ZNF83: variants seen among roughly 807,000 people sequenced by gnomAD.
The protein encoded by ZNF83 is zinc finger protein 83, also known as zinc finger protein 816B.
For missense variants in ZNF83, 552 were observed against 629.9 expected (o/e 0.88, Z 1.32); for synonymous variants, 209 against 213.0 (o/e 0.98, Z 0.17).
rs1439532384 is a variant in ZNF83 at position 52,632,285 on chromosome 19, T to C, written c.-234+2781A>G. Among the ~76,000 whole-genome samples the C allele has an allele frequency of 2.0e-5, 3 of 152,206 alleles. No homozygotes were observed. In the East Asian group the frequency reaches 5.8e-4, roughly 29 times the overall value. On this transcript the variant is annotated intron_variant, in intron 2 of 2. Transcript: ENST00000301096. ...AAAAGTAGAACGGACTAAAAGTCTT[T>C]TAAAAACACACCTCACCAAGCTCAG...
At position 52,648,687 on chromosome 19, in the gene ZNF83, T is replaced by C. The variant is rs571230768; in HGVS notation, c.-74+6874A>G. Reference sequence around the variant, plus strand: ...TGTTAAAGTTGCAGGTGTTGTGCCTTAGATCCACCACAGTCAGCTGAAACT... The same window carrying C: ...TGTTAAAGTTGCAGGTGTTGTGCCTCAGATCCACCACAGTCAGCTGAAACT... On this transcript the variant is annotated intron_variant, in intron 3 of 5. Transcript: ENST00000594682. Among the ~76,000 whole-genome samples, 19 of 152,242 alleles carry C rather than the reference T, an allele frequency of 1.2e-4. 1 individual carries two copies. The South Asian group carries it at 3.5e-3, about 28-fold the overall frequency.
chr19:52,682,215 T>TA (rs11407801), intron 1 of ZNF83, among the ~76,000 whole-genome samples: 10,993 of 148,922 alleles, frequency 0.074, 1,267 homozygotes, highest in African/African-American at 0.25. Context: ...ATTAAAATTA[T>TA]AAAAAAAAAA....
intron 1 of ZNF83, among the ~76,000 whole-genome samples, chr19:52,688,027 C>T (rs1239986452): frequency 6.6e-6 from 1 of 151,976 alleles, no homozygotes; most frequent in Middle Eastern, 3.2e-3. Context: ...GTACATGTCT[C>T]ATAGACAGGA....
intron 2 of ZNF83, among the ~76,000 whole-genome samples, chr19:52,658,369 C>T (rs952260475): frequency 3.4e-4 from 52 of 152,054 alleles, no homozygotes; most frequent in Middle Eastern, 3.2e-3. Flanking sequence ...AGTTCATGAC[C>T]GGCCTGGCCA....
In ZNF83 at chr19:52,658,968, G is replaced by A. The variant is rs576060978; in HGVS notation, c.-201+1794C>T. On this transcript the variant is annotated intron_variant, in intron 2 of 5. Coordinates refer to the ZNF83 transcript ENST00000594682. Reference sequence around the variant, plus strand: ...TATTCTAAATAAATGCCTGGAGTGCGAGCTGCTCAGGGCCGGCTCTTGGTG... The same window carrying A: ...TATTCTAAATAAATGCCTGGAGTGCAAGCTGCTCAGGGCCGGCTCTTGGTG... Among the ~76,000 whole-genome samples the A allele has an allele frequency of 5.3e-5, 8 of 152,262 alleles. No homozygotes were observed. In the South Asian group the frequency reaches 6.2e-4, roughly 12 times the overall value.
chr19:52,623,954 C>A (rs1413219096), intron 2 of ZNF83, among the ~76,000 whole-genome samples: 2 of 152,158 alleles, frequency 1.3e-5, no homozygotes, highest in African/African-American at 2.4e-5. Flanking sequence ...CTGCCCTCCA[C>A]AACTCACTAT....
chr19:52,657,020 G>A (rs1015496597), intron 2 of ZNF83, among the ~76,000 whole-genome samples: 4 of 152,148 alleles, frequency 2.6e-5, no homozygotes, highest in African/African-American at 7.2e-5. Context: ...CGAGGCTGAG[G>A]TGGGAGGATT....
chr19:52,627,156 A>G (rs996669311), intron 2 of ZNF83, among the ~76,000 whole-genome samples: 3 of 151,908 alleles, frequency 2.0e-5, no homozygotes, highest in Admixed American at 1.3e-4. Context: ...TTTAACTGTA[A>G]CTATCCACTG....
intron 2 of ZNF83, among the ~76,000 whole-genome samples, chr19:52,659,077 G>A (rs1198843379): frequency 6.6e-6 from 1 of 152,034 alleles, no homozygotes; most frequent in Non-Finnish European, 1.5e-5. Context: ...TCTGGGCCAG[G>A]GTCCGTGGGC....
chr19:52,680,219 A>G (rs2061885135), intron 1 of ZNF83, among the ~76,000 whole-genome samples: 1 of 152,132 alleles, frequency 6.6e-6, no homozygotes, highest in Non-Finnish European at 1.5e-5. Context: ...GCAAAATCAC[A>G]AAACAGAACA....
chr19:52,631,580 T>A, intron 2 of ZNF83, among the ~76,000 whole-genome samples: 1 of 152,212 alleles, frequency 6.6e-6, no homozygotes, highest in East Asian at 1.9e-4. Flanking sequence ...ACTCACTCTT[T>A]GTTAAGTCCC....
chr19:52,634,113 T>C (rs1269146031), intron 2 of ZNF83, among the ~76,000 whole-genome samples: 1 of 151,280 alleles, frequency 6.6e-6, no homozygotes, highest in Non-Finnish European at 1.5e-5. Context: ...CTACTAAAAA[T>C]ACAAAAAGAT....
At chr19:52,639,423 T>C (rs112038145), upstream of ZNF83, among the ~76,000 whole-genome samples, 290 of 96,500 alleles carry the variant, frequency 3.0e-3, 2 homozygotes, top group Middle Eastern at 0.012. Context: ...CTATTTTTTT[T>C]TTTTTTTTTT....
intron 3 of ZNF83, among the ~76,000 whole-genome samples, chr19:52,647,376 AACTC>A (rs531395377): frequency 4.6e-5 from 7 of 152,132 alleles, no homozygotes; most frequent in Non-Finnish European, 1.0e-4. Flanking sequence ...ATATCCAATG[AACTC>A]ACTCACTCAT....
chr19:52,659,094 C>CT (rs1259956177), intron 2 of ZNF83, among the ~76,000 whole-genome samples: 2 of 152,070 alleles, frequency 1.3e-5, no homozygotes. Flanking sequence ...GGGCAGACCC[C>CT]CGCAGCTAAT....
At chr19:52,641,561 T>C (rs2061305771), upstream of ZNF83, among the ~76,000 whole-genome samples, 1 of 152,190 alleles carries the variant, frequency 6.6e-6, no homozygotes, top group Non-Finnish European at 1.5e-5. Context: ...GTGCTTTCCA[T>C]TACACTTAGT....
At chr19:52,673,939 C>G (rs1000666744) in intron 1 of ZNF83, among the ~76,000 whole-genome samples, 3 of 138,734 alleles carry the variant, frequency 2.2e-5, no homozygotes, top group Non-Finnish European at 4.5e-5. Flanking sequence ...TTGGTTGAAG[C>G]TGAGAGGTGG....
chr19:52,664,753 T>TG (rs2061626377), intron 1 of ZNF83, among the ~76,000 whole-genome samples: 3 of 3,816 alleles, frequency 7.9e-4, no homozygotes, highest in South Asian at 0.02. Context: ...GGGCCTGGTG[T>TG]GGGGGGGTGA....
chr19:52,682,059 G>A (rs2061931151), intron 1 of ZNF83, among the ~76,000 whole-genome samples: 1 of 152,026 alleles, frequency 6.6e-6, no homozygotes, highest in South Asian at 2.1e-4. Context: ...TCTTGGCCAG[G>A]CTGGTATTGA....
Sources: allele counts gnomAD v4.1 joint callset (sites outside exome capture counted in the v4.1 genomes callset), GRCh38; gene constraint gnomAD v4.1.1; transcripts MANE v1.5; gene names NCBI Gene and HGNC (gene_info 2026-07-23, HGNC 2026-07-21).